The following SPIRE1 variants were observed in gnomAD, a reference collection of about 807,000 sequenced individuals.
SPIRE1 encodes spire type actin nucleation factor 1.
A neutral mutation model predicts 94.1 loss-of-function variants in SPIRE1; 40 were observed. That is an observed-to-expected ratio of 0.43 (90% CI 0.33 to 0.55). SPIRE1 has a LOEUF of 0.55. Ranked by LOEUF, SPIRE1 falls within the 20% of genes least tolerant of loss-of-function variation. The pLI is 0.06. For synonymous variants in SPIRE1, 376 were observed against 371.7 expected (o/e 1.01, Z -0.13); for missense variants, 838 against 975.2 (o/e 0.86, Z 1.87).
intron 9 of SPIRE1, among the ~76,000 whole-genome samples, chr18:12,480,720 G>C (rs1004446329): frequency 6.6e-6 from 1 of 152,162 alleles, no homozygotes; most frequent in African/African-American, 2.4e-5. Context: ...GTCTTTGTCA[G>C]TACTGACTCT....
chr18:12,553,649 C>T (rs569592793), intron 2 of SPIRE1, among the ~76,000 whole-genome samples: 22 of 151,702 alleles, frequency 1.5e-4, no homozygotes, highest in South Asian at 1.0e-3. Context: ...AGACCTACCC[C>T]GGGGCCTGGG....
Position 12,449,372 on chromosome 18 carries a change from G to T in SPIRE1, c.*266C>A. 1 of 458,430 alleles carries T rather than the reference G, an allele frequency of 2.2e-6. No individual in the cohort carries two copies. The highest frequency in any genetic ancestry group is 4.0e-6 in the Non-Finnish European group (1 of 253,118). 28.4% of individuals were successfully genotyped at this position (458,430 alleles called of 1,614,324 possible). ...GAACTGAACTAAGGAAGTAGCTACT[G>T]GCTTCCAAAGCCACACACACACAAA... is the stretch of plus-strand genomic sequence containing the variant. On this transcript the variant is annotated 3_prime_UTR_variant, in exon 17 of 17. Transcript: ENST00000409402.
At chr18:12,591,864 G>A (rs564341579) in intron 2 of SPIRE1, among the ~76,000 whole-genome samples, 10 of 151,338 alleles carry the variant, frequency 6.6e-5, no homozygotes, top group African/African-American at 2.4e-4. Flanking sequence ...AGCTACTTGG[G>A]AGGCTGATGC....
At chr18:12,490,162 T>C (rs1010306900) in intron 8 of SPIRE1, among the ~76,000 whole-genome samples, 1 of 152,156 alleles carries the variant, frequency 6.6e-6, no homozygotes, top group Non-Finnish European at 1.5e-5. Flanking sequence ...CTGTAACAGC[T>C]CAATTCTGGT....
chr18:12,621,036 A>C (rs770297978), intron 2 of SPIRE1, among the ~76,000 whole-genome samples: 9 of 152,202 alleles, frequency 5.9e-5, no homozygotes, highest in Non-Finnish European at 1.2e-4. Flanking sequence ...GCCTGGTGAG[A>C]GAGCGAGACC....
intron 2 of SPIRE1, among the ~76,000 whole-genome samples, chr18:12,547,972 G>T (rs534921459): frequency 2.6e-5 from 4 of 152,242 alleles, no homozygotes; most frequent in South Asian, 2.1e-4. Context: ...TGAAGCCAAA[G>T]AATTAAAATT....
intron 4 of SPIRE1, among the ~76,000 whole-genome samples, chr18:12,525,961 C>G (rs985221980): frequency 6.6e-6 from 1 of 151,752 alleles, no homozygotes; most frequent in Admixed American, 6.6e-5. Context: ...ATCATATGCT[C>G]AGAAACTCAC....
At chr18:12,568,985 C>T (rs2035885205) in intron 2 of SPIRE1, among the ~76,000 whole-genome samples, 1 of 152,144 alleles carries the variant, frequency 6.6e-6, no homozygotes, top group Admixed American at 6.5e-5. Flanking sequence ...ATCTACTCAC[C>T]TTTCCTAATT....
chr18:12,655,230 A>G lies in SPIRE1; in HGVS notation c.337+2300T>C, dbSNP rs1222377859. Among the ~76,000 whole-genome samples, 3 of 151,680 alleles carry G rather than the reference A, an allele frequency of 2.0e-5. No individual in the cohort carries two copies. The Admixed American group carries it at 2.0e-4, about 10-fold the overall frequency. ...GCAATACAGCAAGACCCTGTCAAAA[A>G]AAAAAAAGAAGAAAAGAAAAAGAGA... On this transcript the variant is annotated intron_variant, in intron 1 of 16. Coordinates refer to ENST00000409402, the MANE Select transcript of SPIRE1 (RefSeq NM_001128626.2).
At chr18:12,555,031 C>T (rs912576583) in intron 2 of SPIRE1, among the ~76,000 whole-genome samples, 2 of 152,176 alleles carry the variant, frequency 1.3e-5, no homozygotes, top group Non-Finnish European at 2.9e-5. Context: ...CACCTACTTC[C>T]TGTTGACCAA....
chr18:12,535,473 C>T lies in SPIRE1; in HGVS notation c.729+3G>A, dbSNP rs1185185008. The stretch of plus-strand genomic sequence containing the variant: ...CAATAAATATCAAAGCAGTAGTACT[C>T]ACCTCTTTCGCACTCTTAATTTTGG... On this transcript the variant is annotated splice_donor_region_variant and intron_variant, in intron 4 of 16. Coordinates refer to ENST00000409402, the MANE Select transcript of SPIRE1 (RefSeq NM_001128626.2). The T allele has an allele frequency of 1.2e-6, 2 of 1,611,030 alleles. No individual in the cohort carries two copies. The highest frequency in any genetic ancestry group is 2.7e-5 in the African/African-American group (2 of 74,846).
chr18:12,533,151 G>A (rs1474810512), intron 4 of SPIRE1, among the ~76,000 whole-genome samples: 2 of 152,204 alleles, frequency 1.3e-5, no homozygotes, highest in Non-Finnish European at 2.9e-5. Context: ...CAGAGGAGAA[G>A]GAGATATGAA....
chr18:12,626,687 AAAAGT>A (rs2037634459), intron 2 of SPIRE1, among the ~76,000 whole-genome samples: 1 of 124,678 alleles, frequency 8.0e-6, no homozygotes, highest in Non-Finnish European at 1.8e-5. Flanking sequence ...CAAATATATG[AAAAGT>A]AAAGAGATAA....
intron 2 of SPIRE1, among the ~76,000 whole-genome samples, chr18:12,550,520 C>T (rs1027592808): frequency 2.0e-5 from 3 of 152,004 alleles, no homozygotes; most frequent in Non-Finnish European, 4.4e-5. Context: ...CATGGTGACA[C>T]CTGGCTAATT....
At chr18:12,632,362 C>A (rs1302113534) in intron 2 of SPIRE1, among the ~76,000 whole-genome samples, 1 of 152,084 alleles carries the variant, frequency 6.6e-6, no homozygotes, top group Non-Finnish European at 1.5e-5. Context: ...CACACCACCA[C>A]CACCAAATGG....
intron 4 of SPIRE1, among the ~76,000 whole-genome samples, chr18:12,520,159 G>T (rs969574781): frequency 2.0e-5 from 3 of 152,036 alleles, no homozygotes; most frequent in Non-Finnish European, 4.4e-5. Flanking sequence ...AAATAAAAAA[G>T]GAAAGTTTAA....
intron 2 of SPIRE1, among the ~76,000 whole-genome samples, chr18:12,616,375 T>C (rs1257417620): frequency 2.0e-5 from 3 of 151,806 alleles, no homozygotes; most frequent in Admixed American, 6.6e-5. Flanking sequence ...TCAGCTGAAA[T>C]GGAAAAGCAA....
chr18:12,578,621 T>A (rs973373232), intron 2 of SPIRE1, among the ~76,000 whole-genome samples: 8 of 152,202 alleles, frequency 5.3e-5, no homozygotes, highest in South Asian at 2.1e-4. Context: ...TTGATTTTTT[T>A]AAAAAACTGA....
chr18:12,496,197 A>G, intron 6 of SPIRE1, 95 bp from the exon 7 acceptor site: 1 of 800,196 alleles, frequency 1.2e-6, no homozygotes. Flanking sequence ...CCATAAAATT[A>G]GTGAAGTGTA....
Sources: allele counts gnomAD v4.1 joint callset (sites outside exome capture counted in the v4.1 genomes callset), GRCh38; gene constraint gnomAD v4.1.1; transcripts MANE v1.5; gene names NCBI Gene and HGNC (gene_info 2026-07-23, HGNC 2026-07-21).